The following SDK1 variants were observed in gnomAD, a reference collection of about 807,000 sequenced individuals.
The protein encoded by SDK1 is protein sidekick-1.
A neutral mutation model predicts 245.5 loss-of-function variants in SDK1; 157 were observed. The ratio of observed to expected loss-of-function variants is 0.64; its 90% CI spans 0.56 to 0.73. SDK1 has a LOEUF of 0.73. SDK1 is among the 30% of genes least tolerant of loss of function. The pLI, the probability that SDK1 is intolerant of heterozygous loss-of-function variation, is 0.00. For synonymous variants in SDK1, 1,647 were observed against 1,278.5 expected (o/e 1.29, Z -6.15); for missense variants, 3,583 against 3,002.3 (o/e 1.19, Z -4.52).
At chr7:3,500,128 C>A (rs1327377521) in intron 1 of SDK1, among the ~76,000 whole-genome samples, 1 of 152,068 alleles carries the variant, frequency 6.6e-6, no homozygotes, top group African/African-American at 2.4e-5. Context: ...TGACAGCCCT[C>A]AACTTGTCTA....
Position 3,784,587 on chromosome 7 carries a change from A to G in SDK1, c.714-36863A>G, listed in dbSNP as rs10275828. ...ACATTTCTCAAAAGAAGACATACAA[A>G]TGGCTGACAGATACATGAAGAAATG... On this transcript the variant is annotated intron_variant, in intron 4 of 44. Transcript: ENST00000404826. 5.6e-3 allele frequency among the ~76,000 whole-genome samples: 851 copies of G among 152,332 alleles called. 9 individuals are homozygous for G. The highest frequency in any genetic ancestry group is 0.02 in the African/African-American group (818 of 41,574).
In SDK1 at chr7:3,971,531, C is replaced by T; in HGVS notation, c.1780C>T (p.His594Tyr). Residue 594 changes from histidine to tyrosine, a missense_variant, in exon 12 of 45, where the codon CAC (histidine) becomes TAC (tyrosine). Coordinates refer to ENST00000404826, the MANE Select transcript of SDK1 (RefSeq NM_152744.4). Reference sequence around the variant, plus strand: ...GATTAAGGGGACCACGGCCACGCTGCACTGTGGTGCCACACATGACCCCCG... The same window carrying T: ...GATTAAGGGGACCACGGCCACGCTGTACTGTGGTGCCACACATGACCCCCG... ...VVIKGTTATL[H>Y]CGATHDPRVS... 1 of 1,613,612 alleles carries T rather than the reference C, an allele frequency of 6.2e-7. No homozygotes were observed. The highest frequency in any genetic ancestry group is 8.5e-7 in the Non-Finnish European group (1 of 1,179,742).
chr7:4,093,595 G>A (rs181216806), intron 22 of SDK1, among the ~76,000 whole-genome samples: 2 of 152,196 alleles, frequency 1.3e-5, no homozygotes, highest in East Asian at 1.9e-4. Context: ...TGGTCTCTCT[G>A]TAACTAAAGA....
intron 4 of SDK1, among the ~76,000 whole-genome samples, chr7:3,670,963 A>G (rs975810216): frequency 1.3e-5 from 2 of 152,186 alleles, no homozygotes; most frequent in Non-Finnish European, 2.9e-5. Context: ...TTCTTACAGC[A>G]CATCCTGTAA....
intron 4 of SDK1, among the ~76,000 whole-genome samples, chr7:3,814,899 A>T (rs1250183950): frequency 6.6e-6 from 1 of 152,062 alleles, no homozygotes; most frequent in Admixed American, 6.5e-5. Context: ...TTCACTCATG[A>T]TTTGGCTCTC....
intron 1 of SDK1, among the ~76,000 whole-genome samples, chr7:3,572,116 T>C (rs1309958714): frequency 2.0e-5 from 3 of 152,112 alleles, no homozygotes; most frequent in Non-Finnish European, 2.9e-5. Context: ...TAGTATATTT[T>C]ATTCAACTCA....
intron 35 of SDK1, among the ~76,000 whole-genome samples, chr7:4,189,292 A>AT (rs57539050): frequency 0.17 from 25,110 of 152,042 alleles, 3,311 homozygotes; most frequent in African/African-American, 0.37. Flanking sequence ...GGGTATTGTA[A>AT]TGGCTCGTCC....
At chr7:3,845,231 C>A (rs1014001079) in intron 5 of SDK1, among the ~76,000 whole-genome samples, 1 of 152,062 alleles carries the variant, frequency 6.6e-6, no homozygotes, top group Non-Finnish European at 1.5e-5. Flanking sequence ...TGCGGTGGCT[C>A]ACACCTTCCC....
At chr7:3,445,776 G>C (rs1780323768) in intron 1 of SDK1, among the ~76,000 whole-genome samples, 1 of 152,006 alleles carries the variant, frequency 6.6e-6, no homozygotes, top group Admixed American at 6.5e-5. Flanking sequence ...TTTTGTTTCA[G>C]CCATCAAACA....
intron 4 of SDK1, among the ~76,000 whole-genome samples, chr7:3,769,160 A>G (rs950988042): frequency 5.3e-5 from 8 of 152,200 alleles, no homozygotes; most frequent in African/African-American, 1.7e-4. Flanking sequence ...CCCTTTACCT[A>G]GTTTCCCACA....
rs542542798 is a variant in SDK1, at chr7:3,354,907, A to G, written c.298+53023A>G. 7.9e-5 allele frequency among the ~76,000 whole-genome samples: 12 copies of G among 152,342 alleles called. No individual in the cohort carries two copies. The South Asian group carries it at 2.3e-3, about 29-fold the overall frequency. ...AAAGAGGCCTCACTGCTGTGTAACA[A>G]TAGATGCTTAAAATAATCCACCAGC... On this transcript the variant is annotated intron_variant, in intron 1 of 44. Coordinates refer to ENST00000404826, the MANE Select transcript of SDK1 (RefSeq NM_152744.4).
At chr7:4,130,261 T>C (rs761624165) in intron 27 of SDK1, 164 bp downstream of exon 27, 274 of 712,188 alleles carry the variant, frequency 3.8e-4, no homozygotes, top group Non-Finnish European at 5.3e-4. Flanking sequence ...TGAGCACTTA[T>C]ATGGCCAATT....
At chr7:3,410,787 A>T (rs1779180562) in intron 1 of SDK1, among the ~76,000 whole-genome samples, 1 of 151,814 alleles carries the variant, frequency 6.6e-6, no homozygotes, top group African/African-American at 2.4e-5. Flanking sequence ...GGCTTTCACC[A>T]TTTTGGCCAT....
At chr7:4,083,560 T>TCATCCCTCCCTC (rs1781207671) in intron 22 of SDK1, among the ~76,000 whole-genome samples, 1 of 62,552 alleles carries the variant, frequency 1.6e-5, no homozygotes, top group Non-Finnish European at 2.8e-5. Context: ...CTCCCTCCCT[T>TCATCCCTCCCTC]CCTTCCTTTT....
At chr7:3,390,591 C>G (rs890968876) in intron 1 of SDK1, among the ~76,000 whole-genome samples, 5 of 152,172 alleles carry the variant, frequency 3.3e-5, no homozygotes, top group Admixed American at 3.3e-4. Context: ...GGACTATAAT[C>G]CAATGACTAG....
In SDK1 at chr7:4,075,506, G is replaced by A. The variant is rs375829353; in HGVS notation, c.3011-1492G>A. On this transcript the variant is annotated intron_variant, in intron 20 of 44. Coordinates refer to ENST00000404826, the MANE Select transcript of SDK1 (RefSeq NM_152744.4). Reference sequence around the variant, plus strand: ...TGACTAGAAATAGGGAAGAGCAAGCGTTTTCAGCTGTTTTCTTTTGCCTGT... The same window carrying A: ...TGACTAGAAATAGGGAAGAGCAAGCATTTTCAGCTGTTTTCTTTTGCCTGT... Among the ~76,000 whole-genome samples, 6 of 152,078 alleles carry A rather than the reference G, an allele frequency of 3.9e-5. No individual in the cohort carries two copies. The East Asian group carries it at 5.8e-4, about 15-fold the overall frequency.
At chr7:3,526,703 A>G (rs936065516) in intron 1 of SDK1, among the ~76,000 whole-genome samples, 1 of 152,032 alleles carries the variant, frequency 6.6e-6, no homozygotes, top group African/African-American at 2.4e-5. Context: ...CATGCCATCA[A>G]TCTGTCTCAT....
chr7:3,410,392 G>A (rs554266207), intron 1 of SDK1, among the ~76,000 whole-genome samples: 2 of 152,054 alleles, frequency 1.3e-5, no homozygotes, highest in East Asian at 3.9e-4. Context: ...TCAAGATACC[G>A]CATTATGTAT....
chr7:3,534,119 T>C (rs1017738101), intron 1 of SDK1, among the ~76,000 whole-genome samples: 26 of 152,228 alleles, frequency 1.7e-4, no homozygotes, highest in Non-Finnish European at 3.5e-4. Context: ...TTTCACTATT[T>C]TAGGAAGCTC....
Sources: gnomAD v4.1 joint callset for allele counts (sites outside exome capture counted in the v4.1 genomes callset) on GRCh38, gnomAD v4.1.1 for gene constraint, MANE v1.5 for transcripts, NCBI Gene and HGNC (gene_info 2026-07-23, HGNC 2026-07-21) for gene names.